ARIH2: variants seen among roughly 807,000 people sequenced by gnomAD.
ARIH2 encodes the protein ariadne RBR E3 ubiquitin protein ligase 2.
In ARIH2, 12 loss-of-function variants were observed where a neutral mutation model predicts 79.8. The ratio of observed to expected loss-of-function variants is 0.15; its 90% CI spans 0.10 to 0.24. The LOEUF is 0.24. Ranked by LOEUF, ARIH2 falls within the 10% of genes least tolerant of loss-of-function variation. The probability of loss-of-function intolerance (pLI) is 1.00; values close to 1 mark genes in which losing one functional copy is unlikely to be tolerated. For missense variants in ARIH2, 301 were observed against 618.3 expected, an observed-to-expected ratio of 0.49 and a Z score of 5.44; for synonymous variants, 224 against 213.9, an observed-to-expected ratio of 1.05 and a Z score of -0.41.
At chr3:48,929,735 A>G (rs1049117434) in intron 3 of ARIH2, among the ~76,000 whole-genome samples, 6 of 152,184 alleles carry the variant, frequency 3.9e-5, no homozygotes, top group South Asian at 2.1e-4. Flanking sequence ...TTGTCACACT[A>G]TTTCATCTAC....
chr3:48,973,434 G>A (rs1233451138), intron 8 of ARIH2, among the ~76,000 whole-genome samples: 3 of 152,030 alleles, frequency 2.0e-5, no homozygotes, highest in South Asian at 2.1e-4. Context: ...AAAATTAGCC[G>A]GGCATGGTGG....
chr3:48,952,399 G>A (rs557255220), intron 3 of ARIH2, among the ~76,000 whole-genome samples: 1 of 152,264 alleles, frequency 6.6e-6, no homozygotes, highest in South Asian at 2.1e-4. Flanking sequence ...AGCAGTGATG[G>A]GTTTTAAACA....
At chr3:48,939,601 C>CA (rs1402817799) in intron 3 of ARIH2, among the ~76,000 whole-genome samples, 5 of 150,484 alleles carry the variant, frequency 3.3e-5, no homozygotes, top group Non-Finnish European at 7.4e-5. Context: ...ACTAAAAATA[C>CA]AAAAAAATTA....
chr3:48,939,791 CAA>C (rs1172938316), intron 3 of ARIH2, among the ~76,000 whole-genome samples: 2 of 127,428 alleles, frequency 1.6e-5, no homozygotes, highest in African/African-American at 2.9e-5. Context: ...AACAAAAAAA[CAA>C]AAAAAAAAAC....
chr3:48,979,669 A>G (rs1183474552), intron 12 of ARIH2, 36 bp downstream of exon 12: 4 of 1,608,506 alleles, frequency 2.5e-6, no homozygotes, highest in Non-Finnish European at 3.4e-6. Context: ...CCTACAGGGT[A>G]GGCTTCTTCC....
At chr3:48,955,187 C>T (rs1406452909) in intron 3 of ARIH2, among the ~76,000 whole-genome samples, 1 of 152,128 alleles carries the variant, frequency 6.6e-6, no homozygotes, top group Non-Finnish European at 1.5e-5. Flanking sequence ...GACAGAATGA[C>T]ACTCCATCTC....
In ARIH2 at chr3:48,983,535, G is replaced by T; in HGVS notation, c.*265G>T. ...ATGGTTGTTGGGAGGGAGGGAAAGT[G>T]TTTTCTGAATGGCTATTAATAGTAT... is the stretch of plus-strand genomic sequence containing the variant. On this transcript the variant is annotated 3_prime_UTR_variant, in exon 16 of 16. Transcript: ENST00000356401. 6 of 440,016 alleles carry T rather than the reference G, an allele frequency of 1.4e-5. No homozygotes were observed. Among genetic ancestry groups the T allele is most frequent in the South Asian group, 8.7e-5 (3 of 34,342 alleles). The allele number at this position is 440,016 out of a possible 1,614,324, so 27.3% of individuals were successfully genotyped here.
intron 3 of ARIH2, among the ~76,000 whole-genome samples, chr3:48,930,421 G>T (rs1234607988): frequency 6.6e-6 from 1 of 152,138 alleles, no homozygotes; most frequent in Admixed American, 6.5e-5. Context: ...AGCGGAGGTT[G>T]CAGTGAGCTG....
chr3:48,940,241 A>G (rs955018663), intron 3 of ARIH2, among the ~76,000 whole-genome samples: 1 of 151,706 alleles, frequency 6.6e-6, no homozygotes, highest in African/African-American at 2.4e-5. Flanking sequence ...GTGGTGGCAC[A>G]CATCTGTAAT....
rs2092896189 is a variant in ARIH2, at chr3:48,986,114, G to C, written c.*2844G>C. 1 of 152,180 alleles carries C rather than the reference G, an allele frequency of 6.6e-6. No individual in the cohort carries two copies. Among genetic ancestry groups the C allele is most frequent in the Admixed American group, 6.5e-5 (1 of 15,276 alleles). 9.4% of individuals were successfully genotyped at this position (152,180 alleles called of 1,614,324 possible). On this transcript the variant is annotated 3_prime_UTR_variant, in exon 16 of 16. Transcript: ENST00000356401. ...TAAGTAGCTCAGGGGTAGAGTGGAG[G>C]CTCCATAGCTGTGGGCAACATGCAC...
intron 2 of ARIH2, among the ~76,000 whole-genome samples, chr3:48,926,107 C>T (rs1420298477): frequency 6.6e-6 from 1 of 152,198 alleles, no homozygotes; most frequent in Non-Finnish European, 1.5e-5. Flanking sequence ...TGGGTGTTTG[C>T]CACAATCTTC....
rs2092864021 is a variant in ARIH2, at chr3:48,984,873, C to G, written c.*1603C>G. Reference sequence around the variant, plus strand: ...ACTCATGGGATCATGAGGTCCATGGCTGGTTGCAGGTTCCCTTTTTCCTTC... The same window carrying G: ...ACTCATGGGATCATGAGGTCCATGGGTGGTTGCAGGTTCCCTTTTTCCTTC... On this transcript the variant is annotated 3_prime_UTR_variant, in exon 16 of 16. Transcript: ENST00000356401. The G allele has an allele frequency of 6.6e-6, 1 of 152,230 alleles. No homozygotes were observed. The highest frequency in any genetic ancestry group is 1.5e-5 in the Non-Finnish European group (1 of 68,052). The allele number at this position is 152,230 out of a possible 1,614,324, so 9.4% of individuals were successfully genotyped here.
chr3:48,921,702 G>T (rs973379308), intron 1 of ARIH2: 1 of 151,958 alleles, frequency 6.6e-6, no homozygotes, highest in Non-Finnish European at 1.5e-5. Flanking sequence ...CCAAACCAAA[G>T]TGCTGGGATT....
rs547548043 is a variant in ARIH2, at chr3:48,984,063, C to G, written c.*793C>G. ...CAGAATGGGGTTGGGCCTGTGGCCC[C>G]CCAAACTAGGGGGTGTGGGTTCATC... On this transcript the variant is annotated 3_prime_UTR_variant, in exon 16 of 16. Transcript: ENST00000356401. 2.6e-5 allele frequency: 4 copies of G among 152,390 alleles called. No homozygotes were observed. In the South Asian group the frequency reaches 8.3e-4, roughly 32 times the overall value. The allele number at this position is 152,390 out of a possible 1,614,324, so 9.4% of individuals were successfully genotyped here. A position where few individuals can be genotyped will look rare whatever the true frequency, so the allele number is the denominator to read the frequency against.
At chr3:48,935,003 T>C in intron 3 of ARIH2, 4 of 965,958 alleles carry the variant, frequency 4.1e-6, no homozygotes, top group African/African-American at 1.8e-5. Context: ...ATCTTGAGTT[T>C]ATAAATTTTT....
At chr3:48,927,836 G>T in intron 3 of ARIH2, 23 bp downstream of exon 3, 1 of 1,608,728 alleles carries the variant, frequency 6.2e-7, no homozygotes, top group Non-Finnish European at 8.5e-7. Context: ...GTAAACTCCA[G>T]TGTAATCCCC....
chr3:48,938,139 T>C (rs1576226134), intron 3 of ARIH2, among the ~76,000 whole-genome samples: 1 of 152,074 alleles, frequency 6.6e-6, no homozygotes, highest in South Asian at 2.1e-4. Flanking sequence ...TTTGATGATG[T>C]AGAGATGACT....
At chr3:48,978,481 ATATT>A (rs2092632134) in intron 11 of ARIH2, among the ~76,000 whole-genome samples, 2 of 49,326 alleles carry the variant, frequency 4.1e-5, no homozygotes, top group Admixed American at 3.3e-4. Flanking sequence ...ATATATATAT[ATATT>A]TTTTTTTTTT....
In ARIH2 at chr3:48,923,887, GT is replaced by G. The variant is rs2085198604; in HGVS notation, c.-98+1080del. Among the ~76,000 whole-genome samples, 9 of 152,198 alleles carry G rather than the reference GT, an allele frequency of 5.9e-5. No individual in the cohort carries two copies. In the South Asian group the frequency reaches 1.9e-3, roughly 31 times the overall value. On this transcript the variant is annotated intron_variant, in intron 2 of 15. Transcript: ENST00000356401. ...AGTGGCTCTTGCCTATAATCCCAGC[GT>G]TTTGTAAGGCCAACGCAGGAGGATC...
Sources: gnomAD v4.1 joint callset for allele counts (sites outside exome capture counted in the v4.1 genomes callset) on GRCh38, gnomAD v4.1.1 for gene constraint, MANE v1.5 for transcripts, NCBI Gene and HGNC (gene_info 2026-07-23, HGNC 2026-07-21) for gene names.